Variants in PAPPA2 observed in about 807,000 individuals in gnomAD.
PAPPA2 encodes pappalysin-2.
PAPPA2 carries 86 observed loss-of-function variants against 176.4 expected under a neutral mutation model. The ratio of observed to expected loss-of-function variants is 0.49; its 90% CI spans 0.41 to 0.58. The LOEUF is 0.58. Among genes scored for constraint, PAPPA2 ranks in the 20% least tolerant of loss-of-function variants. The probability of loss-of-function intolerance (pLI) is 0.00; values close to 1 mark genes in which losing one functional copy is unlikely to be tolerated. For synonymous variants in PAPPA2, 809 were observed against 852.2 expected (o/e 0.95, Z 0.88); for missense variants, 2,073 against 2,256.9 (o/e 0.92, Z 1.65).
intron 1 of PAPPA2, among the ~76,000 whole-genome samples, chr1:176,521,444 A>G (rs1266570569): frequency 6.6e-6 from 1 of 152,196 alleles, no homozygotes; most frequent in East Asian, 1.9e-4. Flanking sequence ...ACTGTCAGCC[A>G]CAGTGAATGA....
chr1:176,485,814 A>G (rs931927196), intron 1 of PAPPA2, among the ~76,000 whole-genome samples: 10 of 152,224 alleles, frequency 6.6e-5, no homozygotes, highest in Admixed American at 3.9e-4. Flanking sequence ...GAGGAAAGGC[A>G]TACAGCTTTC....
intron 12 of PAPPA2, among the ~76,000 whole-genome samples, chr1:176,725,819 C>A (rs549094953): frequency 6.6e-6 from 1 of 152,278 alleles, no homozygotes; most frequent in Non-Finnish European, 1.5e-5. Flanking sequence ...CTCGCTCTGT[C>A]GCCCAGGCTG....
At chr1:176,835,875 C>T (rs1483098188) in intron 21 of PAPPA2, among the ~76,000 whole-genome samples, 1 of 152,106 alleles carries the variant, frequency 6.6e-6, no homozygotes, top group Non-Finnish European at 1.5e-5. Context: ...CCCTGAGGGG[C>T]CCTACAGGCC....
At chr1:176,741,244 A>G (rs1480777653) in intron 14 of PAPPA2, among the ~76,000 whole-genome samples, 1 of 152,258 alleles carries the variant, frequency 6.6e-6, no homozygotes, top group East Asian at 1.9e-4. Flanking sequence ...CCAAGGCTGT[A>G]GTTACTCAAA....
Position 176,842,699 on chromosome 1 carries a change from G to T in PAPPA2, c.*245G>T. 2.0e-6 allele frequency: 1 copy of T among 501,310 alleles called. No homozygotes were observed. Among genetic ancestry groups the T allele is most frequent in the South Asian group, 2.4e-5 (1 of 42,368 alleles). 31.1% of individuals were successfully genotyped at this position (501,310 alleles called of 1,614,324 possible). A position where few individuals can be genotyped will look rare whatever the true frequency, so the allele number is the denominator to read the frequency against. The stretch of plus-strand genomic sequence containing the variant: ...AAGTGGCAGTTGATTAACATGGAAG[G>T]GGAAATATGATAGATATATAAGGAC... On this transcript the variant is annotated 3_prime_UTR_variant, in exon 23 of 23. Transcript: ENST00000367662.
intron 3 of PAPPA2, among the ~76,000 whole-genome samples, chr1:176,630,829 A>C (rs1352670753): frequency 6.6e-6 from 1 of 152,222 alleles, no homozygotes; most frequent in Non-Finnish European, 1.5e-5. Context: ...TGTGTATAAG[A>C]GATAAATTCA....
intron 14 of PAPPA2, among the ~76,000 whole-genome samples, chr1:176,740,709 GA>G (rs1196432822): frequency 1.3e-5 from 2 of 152,170 alleles, no homozygotes; most frequent in Non-Finnish European, 2.9e-5. Flanking sequence ...CCTCTAGACA[GA>G]TGTGGCTATG....
At chr1:176,802,601 A>G (rs1021756988) in intron 21 of PAPPA2, among the ~76,000 whole-genome samples, 1 of 152,128 alleles carries the variant, frequency 6.6e-6, no homozygotes, top group African/African-American at 2.4e-5. Flanking sequence ...CAAATAAGGT[A>G]TTTTGTTACC....
Position 176,782,772 on chromosome 1 carries a change from C to T in PAPPA2, c.4716-7037C>T, listed in dbSNP as rs189838066. The stretch of plus-strand genomic sequence containing the variant: ...TAACAGAAGCAATTGAAATATTCTA[C>T]ACAGGGAAATTTATTTTTTTGAAAG... On this transcript the variant is annotated intron_variant, in intron 17 of 22. Coordinates refer to ENST00000367662, the MANE Select transcript of PAPPA2 (RefSeq NM_020318.3). Among the ~76,000 whole-genome samples the T allele has an allele frequency of 1.6e-4, 25 of 152,246 alleles. No individual in the cohort carries two copies. In the East Asian group the frequency reaches 4.6e-3, roughly 28 times the overall value.
chr1:176,653,835 T>C (rs963026436), intron 3 of PAPPA2, among the ~76,000 whole-genome samples: 4 of 151,742 alleles, frequency 2.6e-5, no homozygotes, highest in Non-Finnish European at 4.4e-5. Context: ...TGATGGATAA[T>C]TTTCTGTTCT....
chr1:176,630,395 G>A (rs558694295), intron 3 of PAPPA2, among the ~76,000 whole-genome samples: 1 of 152,184 alleles, frequency 6.6e-6, no homozygotes, highest in South Asian at 2.1e-4. Flanking sequence ...GGTTTGTAAA[G>A]CTAGAGTAAA....
chr1:176,641,217 G>A (rs571807169), intron 3 of PAPPA2, among the ~76,000 whole-genome samples: 166 of 152,060 alleles, frequency 1.1e-3, no homozygotes, highest in African/African-American at 3.9e-3. Context: ...TGTCAATTTT[G>A]GCTTTTGTTG....
chr1:176,636,373 C>T (rs773402285), intron 3 of PAPPA2, among the ~76,000 whole-genome samples: 1 of 152,108 alleles, frequency 6.6e-6, no homozygotes, highest in Non-Finnish European at 1.5e-5. Flanking sequence ...CTTGAATAAG[C>T]TCCAAATGTA....
intron 12 of PAPPA2, among the ~76,000 whole-genome samples, chr1:176,717,669 C>T (rs1199234848): frequency 1.3e-5 from 2 of 152,230 alleles, no homozygotes; most frequent in Non-Finnish European, 2.9e-5. Context: ...GGCTTGCCTG[C>T]CCTGCATCAG....
At chr1:176,497,563 A>T (rs1189422281) in intron 1 of PAPPA2, among the ~76,000 whole-genome samples, 1 of 152,236 alleles carries the variant, frequency 6.6e-6, no homozygotes, top group Non-Finnish European at 1.5e-5. Context: ...GTGTTTTTAA[A>T]AATAATGAGC....
At chr1:176,671,714 T>C (rs1573227945) in intron 4 of PAPPA2, among the ~76,000 whole-genome samples, 1 of 152,108 alleles carries the variant, frequency 6.6e-6, no homozygotes, top group East Asian at 1.9e-4. Flanking sequence ...ATATACACCA[T>C]GGAATACTAT....
intron 4 of PAPPA2, among the ~76,000 whole-genome samples, chr1:176,674,439 G>A (rs2102779610): frequency 6.6e-6 from 1 of 151,968 alleles, no homozygotes; most frequent in East Asian, 1.9e-4. Context: ...AGTCCCCAAA[G>A]TTCTATTGTA....
At chr1:176,803,548 A>G (rs1410290134) in intron 21 of PAPPA2, among the ~76,000 whole-genome samples, 1 of 152,216 alleles carries the variant, frequency 6.6e-6, no homozygotes, top group East Asian at 1.9e-4. Flanking sequence ...CCAATCAGTC[A>G]TCAGGTCAGT....
At chr1:176,514,315 T>C (rs770803252) in intron 1 of PAPPA2, among the ~76,000 whole-genome samples, 3 of 152,184 alleles carry the variant, frequency 2.0e-5, no homozygotes, top group East Asian at 1.9e-4. Flanking sequence ...ACAGCTCCCA[T>C]GGGAACTAAC....
Sources: allele counts gnomAD v4.1 joint callset (sites outside exome capture counted in the v4.1 genomes callset), GRCh38; gene constraint gnomAD v4.1.1; transcripts MANE v1.5; gene names NCBI Gene and HGNC (gene_info 2026-07-23, HGNC 2026-07-21).